The following RFX7 variants were observed in gnomAD, a reference collection of about 807,000 sequenced individuals.
RFX7 encodes DNA-binding protein RFX7.
In RFX7, 26 loss-of-function variants were observed where a neutral mutation model predicts 111.8. That is an observed-to-expected ratio of 0.23 (90% CI 0.17 to 0.32). The LOEUF is 0.32. Ranked by LOEUF, RFX7 falls within the 10% of genes least tolerant of loss-of-function variation. The pLI is 1.00. For missense variants in RFX7, 1,573 were observed against 1,772.9 expected (o/e 0.89, Z 2.02); for synonymous variants, 624 against 624.4 (o/e 1.00, Z 0.01).
intron 2 of RFX7, among the ~76,000 whole-genome samples, chr15:56,212,068 T>C (rs970816447): frequency 6.6e-6 from 1 of 152,166 alleles, no homozygotes. Flanking sequence ...ACGTTTTTAG[T>C]AGATTTATTT....
At chr15:56,227,682 C>A (rs2043500426) in intron 2 of RFX7, among the ~76,000 whole-genome samples, 1 of 152,166 alleles carries the variant, frequency 6.6e-6, no homozygotes, top group Non-Finnish European at 1.5e-5. Context: ...TGTTGTTATT[C>A]ATTTCGCTTA....
At chr15:56,221,626 T>C (rs1426848769) in intron 2 of RFX7, among the ~76,000 whole-genome samples, 1 of 152,172 alleles carries the variant, frequency 6.6e-6, no homozygotes, top group East Asian at 1.9e-4. Flanking sequence ...CCTCATTTCC[T>C]GTCTTCTTTA....
intron 3 of RFX7, among the ~76,000 whole-genome samples, chr15:56,145,640 A>G (rs990355049): frequency 1.3e-5 from 2 of 152,104 alleles, no homozygotes; most frequent in Non-Finnish European, 2.9e-5. Flanking sequence ...CTTAATTGCT[A>G]CTTATCATCA....
chr15:56,127,297 CA>C (rs2042156228), intron 5 of RFX7, among the ~76,000 whole-genome samples: 1 of 151,216 alleles, frequency 6.6e-6, no homozygotes, highest in South Asian at 2.1e-4. Context: ...CATAACATAT[CA>C]AAATATATGG....
intron 5 of RFX7, among the ~76,000 whole-genome samples, chr15:56,115,601 A>T (rs1425831898): frequency 6.6e-6 from 1 of 152,158 alleles, no homozygotes; most frequent in Non-Finnish European, 1.5e-5. Flanking sequence ...CTTTGTATAC[A>T]TACTTTCATT....
chr15:56,087,695 G>A lies in RFX7; in HGVS notation c.*5650C>T, dbSNP rs540735148. 1.9e-4 allele frequency: 72 copies of A among 385,980 alleles called. No homozygotes were observed. Among genetic ancestry groups the A allele is most frequent in the Non-Finnish European group, 3.1e-4 (61 of 193,760 alleles). 23.9% of individuals were successfully genotyped at this position (385,980 alleles called of 1,614,324 possible). A position where few individuals can be genotyped will look rare whatever the true frequency, so the allele number is the denominator to read the frequency against. On this transcript the variant is annotated 3_prime_UTR_variant, in exon 10 of 10. Coordinates refer to ENST00000559447, the MANE Select transcript of RFX7 (RefSeq NM_022841.7). ...GAATGCATACTACTGGTAAGTATCC[G>A]CCTCTGCTATAGTGACCTCATTGCA...
chr15:56,123,270 G>C (rs569410721), intron 5 of RFX7, among the ~76,000 whole-genome samples: 2 of 152,226 alleles, frequency 1.3e-5, no homozygotes, highest in South Asian at 4.2e-4. Flanking sequence ...AGGCTCTTTA[G>C]TCAGCAAGTG....
chr15:56,231,769 C>T (rs1245098497), intron 2 of RFX7, among the ~76,000 whole-genome samples: 3 of 152,172 alleles, frequency 2.0e-5, no homozygotes, highest in Non-Finnish European at 4.4e-5. Flanking sequence ...CAAATCCCTT[C>T]CACCTATGAG....
At chr15:56,110,518 AG>A (rs1419130356) in intron 5 of RFX7, among the ~76,000 whole-genome samples, 5 of 71,662 alleles carry the variant, frequency 7.0e-5, no homozygotes, top group Non-Finnish European at 8.9e-5. Context: ...CTGCCCGGCC[AG>A]CTGCCCCGTC....
intron 3 of RFX7, among the ~76,000 whole-genome samples, chr15:56,167,028 T>G (rs2042791138): frequency 6.6e-6 from 1 of 152,210 alleles, no homozygotes; most frequent in South Asian, 2.1e-4. Flanking sequence ...CTAGGCCTTT[T>G]GTACACCACA....
chr15:56,096,690 A>T (rs1201572139), intron 9 of RFX7, 70 bp from the exon 10 acceptor site: 1 of 1,417,780 alleles, frequency 7.1e-7, no homozygotes. Flanking sequence ...GTATCTGTAT[A>T]TACTTTTAAG....
At position 56,093,952 on chromosome 15, in the gene RFX7, G is replaced by T; in HGVS notation, c.3776C>A (p.Ser1259Tyr). The T allele has an allele frequency of 6.2e-7, 1 of 1,613,938 alleles. No individual in the cohort carries two copies. The highest frequency in any genetic ancestry group is 1.1e-5 in the South Asian group (1 of 91,080). Residue 1259 changes from serine to tyrosine, a missense_variant, in exon 10 of 10, where the codon TCC (serine) becomes TAC (tyrosine). Ser to Tyr is a moderately radical substitution (Grantham distance 144, BLOSUM62 -2). Coordinates refer to ENST00000559447, the MANE Select transcript of RFX7 (RefSeq NM_022841.7). ...ITNVLLSKLD[S>Y]DNDDAVRGLG... is the part of the protein sequence containing the mutation. ...ACCTCTCACTGCATCATCATTGTCG[G>T]AATCAAGTTTACTCAACAAAACATT...
At chr15:56,209,537 C>T (rs779501627) in intron 2 of RFX7, among the ~76,000 whole-genome samples, 6 of 152,030 alleles carry the variant, frequency 3.9e-5, no homozygotes, top group Non-Finnish European at 8.8e-5. Context: ...TTAAATGTTT[C>T]TTATTTTTAA....
intron 5 of RFX7, among the ~76,000 whole-genome samples, chr15:56,133,487 A>G (rs537557742): frequency 5.3e-5 from 8 of 152,216 alleles, no homozygotes; most frequent in African/African-American, 1.4e-4. Context: ...TCATATTAAT[A>G]ACACCATTTC....
Position 56,103,624 on chromosome 15 carries a change from A to C in RFX7, c.448T>G (p.Phe150Val). 1 of 1,604,222 alleles carries C rather than the reference A, an allele frequency of 6.2e-7. No individual in the cohort carries two copies. The change falls in exon 6 of 10, where the codon TTT (phenylalanine) becomes GTT (valine). Residue 150 changes from phenylalanine (F) to valine (V), a missense_variant. Phe to Val is a conservative substitution (Grantham distance 50). This residue lies in a region of RFX7 where 191 missense variants were observed against 194.2 expected (regional missense o/e 0.98). Transcript: ENST00000559447. The part of the protein sequence containing the change: ...LGYHPLSAAD[F>V]GKIMKNVFPN... ...AAGACGTTTTTCATGATCTTTCCAA[A>C]ATCAGCAGCACTTAATGGATGGTAA...
chr15:56,103,523 A>T, intron 6 of RFX7, 31 bp downstream of exon 6: 1 of 1,370,842 alleles, frequency 7.3e-7, no homozygotes, highest in African/African-American at 1.4e-5. Flanking sequence ...GAACACAGAG[A>T]TATTACTAAC....
intron 2 of RFX7, among the ~76,000 whole-genome samples, chr15:56,220,363 TG>T (rs2043412147): frequency 1.3e-5 from 2 of 152,142 alleles, no homozygotes; most frequent in African/African-American, 4.8e-5. Flanking sequence ...CCCAAGTAGC[TG>T]GGATTACAGG....
chr15:56,231,991 G>A (rs2043564218), intron 2 of RFX7, among the ~76,000 whole-genome samples: 1 of 152,226 alleles, frequency 6.6e-6, no homozygotes, highest in African/African-American at 2.4e-5. Context: ...GATTCAAGAG[G>A]TGGGTTCCCA....
At chr15:56,137,502 CTCTT>C (rs1349264533) in intron 5 of RFX7, among the ~76,000 whole-genome samples, 2 of 152,114 alleles carry the variant, frequency 1.3e-5, no homozygotes, top group Non-Finnish European at 2.9e-5. Flanking sequence ...CGATTCTTCT[CTCTT>C]TTTTTCTTAT....
Sources: gnomAD v4.1 joint callset for allele counts (sites outside exome capture counted in the v4.1 genomes callset) on GRCh38, gnomAD v4.1.1 for gene constraint, gnomAD v4.1.1 regional missense constraint, MANE v1.5 for transcripts, NCBI Gene and HGNC (gene_info 2026-07-23, HGNC 2026-07-21) for gene names.